Variants in ZDHHC6 observed in about 807,000 individuals in gnomAD.
ZDHHC6 encodes the protein palmitoyltransferase ZDHHC6.
Under a neutral mutation model 57.8 loss-of-function variants are expected in ZDHHC6, and 32 were observed. The observed-to-expected ratio is 0.55, with a 90% CI of 0.42 to 0.74. The LOEUF is 0.74. Among genes scored for constraint, ZDHHC6 ranks in the 30% least tolerant of loss-of-function variants. The probability of loss-of-function intolerance (pLI) is 0.00; values close to 1 mark genes in which losing one functional copy is unlikely to be tolerated. For synonymous variants in ZDHHC6, 128 were observed against 158.0 expected (o/e 0.81, Z 1.42); for missense variants, 433 against 500.7 (o/e 0.86, Z 1.29).
chr10:112,434,517 A>G (rs1192220270), intron 6 of ZDHHC6, 53 bp from the exon 7 acceptor site: 1 of 1,527,796 alleles, frequency 6.5e-7, no homozygotes, highest in Non-Finnish European at 8.9e-7. Context: ...AGTGGCCTGC[A>G]GTAATATGTT....
At position 112,442,597 on chromosome 10, in the gene ZDHHC6, C is replaced by A. The variant is rs117146465; in HGVS notation, c.360-246G>T. 5.4e-4 allele frequency among the ~76,000 whole-genome samples: 82 copies of A among 152,262 alleles called. 2 individuals carry two copies. In the East Asian group the frequency reaches 0.015, roughly 28 times the overall value. On this transcript the variant is annotated intron_variant, in intron 3 of 10. Coordinates refer to ENST00000369405, the MANE Select transcript of ZDHHC6 (RefSeq NM_022494.3). ...GCTTCTGAGGAAAAGATGTCAGCTACAAGTATTTGTTTAAAGAAGTCAGGA... is the reference window on the plus strand; with the variant it reads ...GCTTCTGAGGAAAAGATGTCAGCTAAAAGTATTTGTTTAAAGAAGTCAGGA...
In ZDHHC6 at chr10:112,432,408, T is replaced by C. The variant is rs755807774; in HGVS notation, c.1059A>G (p.Lys353=). 1.2e-5 allele frequency: 19 copies of C among 1,614,074 alleles called. No individual in the cohort carries two copies. In the Admixed American group the frequency reaches 3.2e-4, roughly 27 times the overall value. The change falls in exon 9 of 11, where the codon AAA becomes AAG. Residue 353 remains lysine, a synonymous_variant. Transcript: ENST00000369405. ...CTCTTGTGGCTAAAATGAATTCCCCTTTTTGCAGCTGTATTCGAGGCTCTT... is the reference window on the plus strand; with the variant it reads ...CTCTTGTGGCTAAAATGAATTCCCCCTTTTGCAGCTGTATTCGAGGCTCTT... ...CTEEPRIQLQ[K]GEFILATRGL... is the part of the protein sequence containing the mutation.
chr10:112,439,187 CACAA>C (rs77964508), intron 5 of ZDHHC6, among the ~76,000 whole-genome samples: 7 of 151,652 alleles, frequency 4.6e-5, no homozygotes, highest in Non-Finnish European at 7.4e-5. Context: ...CAGGCTCTGT[CACAA>C]ACAAACAAAC....
At chr10:112,447,424 A>G (rs1328575760), upstream of ZDHHC6, 1 of 1,613,732 alleles carries the variant, frequency 6.2e-7, no homozygotes, top group East Asian at 2.2e-5. Context: ...TGCTCACTGC[A>G]GAGATCACCA....
chr10:112,438,451 T>A, intron 5 of ZDHHC6, 62 bp from the exon 6 acceptor site: 1 of 1,201,790 alleles, frequency 8.3e-7, no homozygotes, highest in Non-Finnish European at 1.1e-6. Context: ...GATTATCATA[T>A]TCATAATTCT....
chr10:112,432,268 G>T lies in ZDHHC6; in HGVS notation c.1110C>A (p.Asp370Glu), dbSNP rs780772082. The T allele has an allele frequency of 6.2e-7, 1 of 1,607,406 alleles. No homozygotes were observed. The highest frequency in any genetic ancestry group is 8.5e-7 in the Non-Finnish European group (1 of 1,178,268). ...TRGLRYWLYG[D>E]KILDDSFIEG... The stretch of plus-strand genomic sequence containing the variant: ...CTATAAAGGAATCATCAAGAATTTT[G>T]TCTCCATATAACCAGTATCTGAAAT... The change falls in exon 10 of 11, where the codon GAC becomes GAA. Residue 370 changes from aspartate to glutamate, a missense_variant. By Grantham distance (45) the Asp-to-Glu change is conservative. Transcript: ENST00000369405.
chr10:112,425,327 G>A, downstream of ZDHHC6: 2 of 1,603,158 alleles, frequency 1.2e-6, no homozygotes, highest in Non-Finnish European at 1.7e-6. Context: ...ACTTTTATCT[G>A]TCTCATGTAG....
At chr10:112,439,242 A>G (rs528781953) in intron 5 of ZDHHC6, among the ~76,000 whole-genome samples, 6 of 152,294 alleles carry the variant, frequency 3.9e-5, no homozygotes, top group African/African-American at 1.4e-4. Context: ...TTGGCCCAGG[A>G]GTCCTCATCA....
chr10:112,427,370 T>A, downstream of ZDHHC6: 1 of 1,606,172 alleles, frequency 6.2e-7, no homozygotes, highest in Non-Finnish European at 8.5e-7. Context: ...ATAAGGTACT[T>A]AAGTACCTGC....
downstream of ZDHHC6, among the ~76,000 whole-genome samples, chr10:112,428,639 C>T (rs946091623): frequency 2.6e-5 from 4 of 151,942 alleles, no homozygotes; most frequent in South Asian, 2.1e-4. Flanking sequence ...GGCGTGGTGG[C>T]GGGCACCTGT....
chr10:112,447,136 G>T, upstream of ZDHHC6: 3 of 524,788 alleles, frequency 5.7e-6, no homozygotes, highest in Non-Finnish European at 3.5e-6. Context: ...CTTTTCCTTT[G>T]CGAACTTACT....
At chr10:112,426,384 A>G, downstream of ZDHHC6, 3 of 1,589,290 alleles carry the variant, frequency 1.9e-6, no homozygotes, top group Middle Eastern at 1.7e-4. Flanking sequence ...GGAAAGCTTT[A>G]TGCACACCCA....
chr10:112,436,280 G>T (rs142881394), intron 6 of ZDHHC6, among the ~76,000 whole-genome samples: 168 of 152,320 alleles, frequency 1.1e-3, no homozygotes, highest in African/African-American at 3.8e-3. Flanking sequence ...TTTGAGACCA[G>T]CCTGGCCAAC....
chr10:112,425,597 A>C, downstream of ZDHHC6: 1 of 440,650 alleles, frequency 2.3e-6, no homozygotes, highest in East Asian at 6.4e-5. Context: ...TATAAAACTA[A>C]AAAAAAAAAA....
Position 112,440,581 on chromosome 10 carries a change from A to G in ZDHHC6, c.634T>C (p.Leu212=), listed in dbSNP as rs59544297. 9.1e-4 allele frequency: 1,469 copies of G among 1,614,066 alleles called. 8 individuals are homozygous for G. The African/African-American group carries it at 0.016, about 17-fold the overall frequency. Residue 212 remains leucine, a synonymous_variant, in exon 5 of 11, where the codon TTA becomes CTA. Coordinates refer to ENST00000369405, the MANE Select transcript of ZDHHC6 (RefSeq NM_022494.3). ...ACAGCTATGGTTGTTCCTAAAGCTAATCCCAAGGCAAACAAGGTGGTAGCA... is the reference window on the plus strand; with the variant it reads ...ACAGCTATGGTTGTTCCTAAAGCTAGTCCCAAGGCAAACAAGGTGGTAGCA... ...AFATTLFALG[L]ALGTTIAVGM...
At position 112,437,055 on chromosome 10, in the gene ZDHHC6, G is replaced by A. The variant is rs1009828567; in HGVS notation, c.735+1281C>T. Reference sequence around the variant, plus strand: ...ACTTGGTGAACATTTTCTCAAAAACGAACAGTCAGGCAGTCACTTCAAGGG... The same window carrying A: ...ACTTGGTGAACATTTTCTCAAAAACAAACAGTCAGGCAGTCACTTCAAGGG... On this transcript the variant is annotated intron_variant, in intron 6 of 10. Transcript: ENST00000369405. Among the ~76,000 whole-genome samples the A allele has an allele frequency of 7.9e-5, 12 of 151,894 alleles. No individual in the cohort carries two copies. In the East Asian group the frequency reaches 1.7e-3, roughly 22 times the overall value.
rs756062307 is a variant in ZDHHC6 at position 112,440,641 on chromosome 10, G to A, written c.574C>T (p.Pro192Ser). 2.5e-6 allele frequency: 4 copies of A among 1,613,836 alleles called. No homozygotes were observed. In the African/African-American group the frequency reaches 4.0e-5, roughly 16 times the overall value. Residue 192 changes from proline to serine, a missense_variant, in exon 5 of 11, where the codon CCT becomes TCT. Coordinates refer to ENST00000369405, the MANE Select transcript of ZDHHC6 (RefSeq NM_022494.3). ...AATCCAAATGGAACAATTGGAAGAG[G>A]ATCTCTCCGGGCTGCACTCATGTCG... ...KIDMSAARRD[P>S]LPIVPFGLAA...
Position 112,442,259 on chromosome 10 carries a change from G to A in ZDHHC6, c.452C>T (p.Ala151Val). ...AGCAGCATGGATACAACCCAGTGGT[G>A]CTAAAAGGAGAAACAGTGTGAACGA... ...HASFTLFLLLAPLGCIHAAFI... is the reference protein window; with the variant it reads ...HASFTLFLLLVPLGCIHAAFI... Residue 151 changes from alanine to valine, a missense_variant, in exon 4 of 11, where the codon GCA (alanine) becomes GTA (valine). Transcript: ENST00000369405. The A allele has an allele frequency of 1.9e-6, 3 of 1,614,022 alleles. No homozygotes were observed. Among genetic ancestry groups the A allele is most frequent in the Non-Finnish European group, 2.5e-6 (3 of 1,179,954 alleles).
At chr10:112,445,070 C>G in intron 2 of ZDHHC6, 100 bp downstream of exon 2, 1 of 1,368,824 alleles carries the variant, frequency 7.3e-7, no homozygotes, top group East Asian at 2.5e-5. Flanking sequence ...TCTGTGAGGA[C>G]AAACAGTAGG....
Sources: allele counts gnomAD v4.1 joint callset (sites outside exome capture counted in the v4.1 genomes callset), GRCh38; gene constraint gnomAD v4.1.1; transcripts MANE v1.5; gene names NCBI Gene and HGNC (gene_info 2026-07-23, HGNC 2026-07-21).